The following CRTAC1 variants were observed in gnomAD, a reference collection of about 807,000 sequenced individuals.
CRTAC1 encodes the protein cartilage acidic protein 1.
CRTAC1 carries 37 observed loss-of-function variants against 67.8 expected under a neutral mutation model. The observed-to-expected ratio is 0.55, with a 90% confidence interval of 0.42 to 0.72. The LOEUF is 0.72. CRTAC1 is among the 30% of genes least tolerant of loss of function. CRTAC1 has a pLI of 0.00. For missense variants in CRTAC1, 780 were observed against 931.6 expected, an observed-to-expected ratio of 0.84 and a Z score of 2.12; for synonymous variants, 348 against 371.0, an observed-to-expected ratio of 0.94 and a Z score of 0.71.
chr10:97,987,984 G>T (rs1450480170), intron 2 of CRTAC1, among the ~76,000 whole-genome samples: 2 of 152,170 alleles, frequency 1.3e-5, no homozygotes, highest in Non-Finnish European at 2.9e-5. Context: ...TGGTGGTCAG[G>T]CTGGGAAGAT....
intron 14 of CRTAC1, among the ~76,000 whole-genome samples, chr10:97,876,160 C>T (rs1476875117): frequency 6.6e-6 from 1 of 152,156 alleles, no homozygotes; most frequent in Admixed American, 6.5e-5. Flanking sequence ...ATTCACCATC[C>T]CAAATGAAGA....
chr10:97,912,379 TAG>T (rs2050698999), intron 5 of CRTAC1, among the ~76,000 whole-genome samples: 1 of 152,160 alleles, frequency 6.6e-6, no homozygotes, highest in African/African-American at 2.4e-5. Context: ...GGGCTGGAGT[TAG>T]AGGGGAAAAT....
At chr10:97,940,519 C>T (rs1367115547) in intron 2 of CRTAC1, among the ~76,000 whole-genome samples, 1 of 152,220 alleles carries the variant, frequency 6.6e-6, no homozygotes, top group Non-Finnish European at 1.5e-5. Flanking sequence ...GGCTCAGTGG[C>T]AACTGTAAAA....
chr10:97,889,787 G>A (rs2050341144), intron 11 of CRTAC1, among the ~76,000 whole-genome samples: 1 of 152,166 alleles, frequency 6.6e-6, no homozygotes. Flanking sequence ...GCAGGAAGGG[G>A]GCAGGGGCCC....
chr10:97,904,901 C>T (rs2050590217), intron 6 of CRTAC1, 87 bp from the exon 7 acceptor site: 1 of 1,409,138 alleles, frequency 7.1e-7, no homozygotes, highest in East Asian at 2.7e-5. Flanking sequence ...TGACAAGCAA[C>T]TAGGGAGGGT....
At chr10:97,921,623 TG>T (rs1467640865) in intron 4 of CRTAC1, among the ~76,000 whole-genome samples, 1 of 152,210 alleles carries the variant, frequency 6.6e-6, no homozygotes, top group Non-Finnish European at 1.5e-5. Context: ...TGGCTGTTAC[TG>T]TTGTCCTTGC....
intron 11 of CRTAC1, among the ~76,000 whole-genome samples, chr10:97,890,789 T>C (rs2050359496): frequency 6.6e-6 from 1 of 151,572 alleles, no homozygotes; most frequent in African/African-American, 2.4e-5. Flanking sequence ...TGCCTCAGCC[T>C]CCCGAGTAGC....
chr10:98,027,486 C>A (rs1478116492), intron 1 of CRTAC1, among the ~76,000 whole-genome samples: 1 of 152,080 alleles, frequency 6.6e-6, no homozygotes, highest in Non-Finnish European at 1.5e-5. Flanking sequence ...CAGAGAGACC[C>A]CACGCCAACA....
chr10:97,928,825 G>A (rs1443624292), intron 3 of CRTAC1, among the ~76,000 whole-genome samples: 1 of 152,030 alleles, frequency 6.6e-6, no homozygotes, highest in Non-Finnish European at 1.5e-5. Context: ...TTGTGCAGGT[G>A]GAGGAGGCAA....
chr10:97,964,700 C>T (rs911848402), intron 2 of CRTAC1, among the ~76,000 whole-genome samples: 8 of 152,102 alleles, frequency 5.3e-5, no homozygotes, highest in East Asian at 1.9e-4. Context: ...CTTATTAGGC[C>T]GTATAAAGGG....
At chr10:97,948,121 A>C (rs1043280857) in intron 2 of CRTAC1, among the ~76,000 whole-genome samples, 2 of 152,100 alleles carry the variant, frequency 1.3e-5, no homozygotes, top group Admixed American at 6.5e-5. Flanking sequence ...AAAAAAAAAA[A>C]AAACTCTTCT....
intron 2 of CRTAC1, among the ~76,000 whole-genome samples, chr10:97,963,347 C>T (rs141958832): frequency 1.3e-5 from 2 of 152,280 alleles, no homozygotes; most frequent in Admixed American, 6.5e-5. Flanking sequence ...TTTCTTGGGC[C>T]CCACCCCAGA....
intron 2 of CRTAC1, among the ~76,000 whole-genome samples, chr10:97,942,605 GC>G (rs1429387079): frequency 6.6e-6 from 1 of 152,038 alleles, no homozygotes; most frequent in Non-Finnish European, 1.5e-5. Context: ...AAGGATGTGA[GC>G]ACCTATTATA....
At chr10:97,899,805 G>A (rs184459001) in intron 8 of CRTAC1, among the ~76,000 whole-genome samples, 1 of 152,278 alleles carries the variant, frequency 6.6e-6, no homozygotes, top group East Asian at 1.9e-4. Context: ...TCTGGCCCAT[G>A]TCCTGGATCC....
chr10:97,913,133 AGAGT>A (rs1373489554), intron 5 of CRTAC1, among the ~76,000 whole-genome samples: 8 of 151,588 alleles, frequency 5.3e-5, no homozygotes, highest in African/African-American at 2.0e-4. Flanking sequence ...AGAGAGAGAG[AGAGT>A]GTGTGTGTGT....
At chr10:97,978,590 C>A (rs2051843819) in intron 2 of CRTAC1, among the ~76,000 whole-genome samples, 1 of 152,164 alleles carries the variant, frequency 6.6e-6, no homozygotes, top group Non-Finnish European at 1.5e-5. Context: ...TGCTTGCTCC[C>A]CATGACACTG....
intron 5 of CRTAC1, among the ~76,000 whole-genome samples, chr10:97,914,497 G>A (rs2050731553): frequency 6.6e-6 from 1 of 152,234 alleles, no homozygotes; most frequent in Non-Finnish European, 1.5e-5. Flanking sequence ...GAGGCTGGGA[G>A]AATAGTTTGC....
chr10:97,867,087 C>T (rs1362245996), intron 14 of CRTAC1: 1 of 152,374 alleles, frequency 6.6e-6, no homozygotes, highest in Non-Finnish European at 1.5e-5. Context: ...TTGGTGCCCC[C>T]TCTCAGCTCC....
intron 11 of CRTAC1, 95 bp from the exon 12 acceptor site, chr10:97,884,446 G>A: frequency 1.7e-6 from 2 of 1,191,154 alleles, no homozygotes; most frequent in Non-Finnish European, 2.4e-6. Flanking sequence ...TTGAATAAAA[G>A]CATGAATTGA....
Sources: allele counts gnomAD v4.1 joint callset (sites outside exome capture counted in the v4.1 genomes callset), GRCh38; gene constraint gnomAD v4.1.1; transcripts MANE v1.5; gene names NCBI Gene and HGNC (gene_info 2026-07-23, HGNC 2026-07-21).